Variants in FNDC8 observed in about 807,000 individuals in gnomAD.
FNDC8 encodes the protein fibronectin type III domain containing 8, also known as fibronectin type III domain-containing protein 8.
A neutral mutation model predicts 24.8 loss-of-function variants in FNDC8; 23 were observed. The observed-to-expected ratio is 0.93, with a 90% CI of 0.67 to 1.31. The LOEUF is 1.31. Ranked by LOEUF, FNDC8 falls within the 40% of genes most tolerant of loss-of-function variation. FNDC8 has a pLI of 0.00. For synonymous variants in FNDC8, 158 were observed against 165.3 expected (o/e 0.96, Z 0.34); for missense variants, 371 against 398.2 (o/e 0.93, Z 0.58).
intron 3 of FNDC8, chr17:35,129,927 T>A: frequency 7.2e-7 from 1 of 1,382,568 alleles, no homozygotes; most frequent in Non-Finnish European, 9.4e-7. Context: ...TTTTAGACTC[T>A]GCAATTCAGT....
Position 35,121,671 on chromosome 17 carries a change from G to A in FNDC8, c.-23G>A, listed in dbSNP as rs189808081. 8.7e-5 allele frequency: 140 copies of A among 1,611,366 alleles called. No individual in the cohort carries two copies. The highest frequency in any genetic ancestry group is 1.5e-4 in the Admixed American group (9 of 59,986). ...CAGCTGGGTTGTCCTGCATGGTGAC[G>A]GGTGTCATCCCGAACAAATCAGATG... On this transcript the variant is annotated 5_prime_UTR_variant, in exon 1 of 4. Coordinates refer to ENST00000158009, the MANE Select transcript of FNDC8 (RefSeq NM_017559.4).
chr17:35,128,427 C>A (rs976495426), intron 2 of FNDC8, among the ~76,000 whole-genome samples: 2 of 152,228 alleles, frequency 1.3e-5, no homozygotes, highest in African/African-American at 4.8e-5. Context: ...AGAAACCAGA[C>A]AGGAGGCAGC....
Position 35,129,544 on chromosome 17 carries a change from C to T in FNDC8, c.708C>T (p.Asn236=), listed in dbSNP as rs766966207. 6.2e-7 allele frequency: 1 copy of T among 1,614,056 alleles called. No homozygotes were observed. The change falls in exon 3 of 4, where the codon AAC becomes AAT. Residue 236 remains asparagine (N), a synonymous_variant. Transcript: ENST00000158009. ...CAAAGAATCGTCCATGGATCTTCAACAAGATTTTGGGCACTACTGTCAAGC... is the reference window on the plus strand; with the variant it reads ...CAAAGAATCGTCCATGGATCTTCAATAAGATTTTGGGCACTACTGTCAAGC... ...PEAKNRPWIF[N]KILGTTVKLM...
In FNDC8 at chr17:35,130,500, G is replaced by C; in HGVS notation, c.*66G>C. ...CAACCCCAGGCCCTCAGAAACCAGA[G>C]CCATGAGACCTACCATACCACCAGC... On this transcript the variant is annotated 3_prime_UTR_variant, in exon 4 of 4. Transcript: ENST00000158009. The C allele has an allele frequency of 2.0e-6, 3 of 1,529,446 alleles. No homozygotes were observed. The highest frequency in any genetic ancestry group is 2.7e-6 in the Non-Finnish European group (3 of 1,122,952). The allele number at this position is 1,529,446 out of a possible 1,614,324, so 94.7% of individuals were successfully genotyped here.
Position 35,129,556 on chromosome 17 carries a change from C to A in FNDC8, c.720C>A (p.Gly240=), listed in dbSNP as rs1312622102. The A allele has an allele frequency of 6.2e-7, 1 of 1,614,046 alleles. No individual in the cohort carries two copies. Among genetic ancestry groups the A allele is most frequent in the African/African-American group, 1.3e-5 (1 of 74,904 alleles). ...NRPWIFNKIL[G]TTVKLMELKP... is the part of the protein sequence containing the mutation. Reference sequence around the variant, plus strand: ...CATGGATCTTCAACAAGATTTTGGGCACTACTGTCAAGCTGATGGAGCTAA... The same window carrying A: ...CATGGATCTTCAACAAGATTTTGGGAACTACTGTCAAGCTGATGGAGCTAA... Residue 240 remains glycine, a synonymous_variant, in exon 3 of 4, where the codon GGC becomes GGA. Transcript: ENST00000158009.
At chr17:35,127,869 AGT>A (rs1326389915) in intron 2 of FNDC8, among the ~76,000 whole-genome samples, 1 of 151,980 alleles carries the variant, frequency 6.6e-6, no homozygotes, top group Non-Finnish European at 1.5e-5. Flanking sequence ...CCTGGGATCG[AGT>A]GAGGCTACTC....
intron 3 of FNDC8, 93 bp from the exon 4 acceptor site, chr17:35,130,189 A>G (rs903735537): frequency 5.3e-6 from 8 of 1,523,602 alleles, no homozygotes; most frequent in Non-Finnish European, 7.0e-6. Context: ...GGTCTGAGTC[A>G]GCAGACAGAA....
intron 3 of FNDC8, 76 bp from the exon 4 acceptor site, chr17:35,130,206 G>A: frequency 6.5e-7 from 1 of 1,544,766 alleles, no homozygotes; most frequent in Non-Finnish European, 8.7e-7. Context: ...AGAAAAAAAA[G>A]GGGTGATAGA....
rs773012307 is a variant in FNDC8, at chr17:35,127,427, C to T, written c.585+10C>T. The T allele has an allele frequency of 6.5e-7, 1 of 1,532,818 alleles. No individual in the cohort carries two copies. Among genetic ancestry groups the T allele is most frequent in the East Asian group, 2.3e-5 (1 of 44,154 alleles). 95.0% of individuals were successfully genotyped at this position (1,532,818 alleles called of 1,614,324 possible). On this transcript the variant is annotated intron_variant, in intron 2 of 3. Coordinates refer to ENST00000158009, the MANE Select transcript of FNDC8 (RefSeq NM_017559.4). ...CAATTCCACAGCTGTGGTGCGTTTCCCTTGCTCATGCGTTCAGCAGAGGCT... is the reference window on the plus strand; with the variant it reads ...CAATTCCACAGCTGTGGTGCGTTTCTCTTGCTCATGCGTTCAGCAGAGGCT...
At chr17:35,127,469 G>T in intron 2 of FNDC8, 52 bp downstream of exon 2, 1 of 1,495,868 alleles carries the variant, frequency 6.7e-7, no homozygotes, top group South Asian at 1.4e-5. Flanking sequence ...GCCAGGCACT[G>T]AGCTGAGCTC....
chr17:35,121,988 T>TTCCTTCCTTCC (rs1491561469), intron 1 of FNDC8, 86 bp downstream of exon 1: 1 of 13,666 alleles, frequency 7.3e-5, no homozygotes, highest in East Asian at 0.018. Flanking sequence ...CCTTCCTTCC[T>TTCCTTCCTTCC]TTTTTTTTTT....
At position 35,127,264 on chromosome 17, in the gene FNDC8, G is replaced by A. The variant is rs767424345; in HGVS notation, c.432G>A (p.Ser144=). 24 of 1,613,990 alleles carry A rather than the reference G, an allele frequency of 1.5e-5. No individual in the cohort carries two copies. The highest frequency in any genetic ancestry group is 2.2e-5 in the East Asian group (1 of 44,880). ...CGCTCGGCCCCTGCCCATGCCCATC[G>A]AAGTCCCAGATGGCCACAAGGGGCC... ...DLALGPCPCP[S]KSQMATRGLL... The change falls in exon 2 of 4, where the codon TCG becomes TCA. Residue 144 remains serine (S), a synonymous_variant. Transcript: ENST00000158009.
At chr17:35,129,293 A>T (rs1305015187) in intron 2 of FNDC8, 129 bp from the exon 3 acceptor site, 3 of 1,234,024 alleles carry the variant, frequency 2.4e-6, no homozygotes, top group Non-Finnish European at 3.4e-6. Flanking sequence ...TGCACCTTCC[A>T]TCTGACCTGC....
chr17:35,130,233 G>C (rs771348098), intron 3 of FNDC8, 49 bp from the exon 4 acceptor site: 1 of 1,594,466 alleles, frequency 6.3e-7, no homozygotes, highest in Non-Finnish European at 8.6e-7. Flanking sequence ...GAGAGAGCCA[G>C]GTTCAGATCT....
Position 35,129,457 on chromosome 17 carries a change from C to A in FNDC8, c.621C>A (p.Val207=). The part of the protein sequence containing the change: ...SWTYALGKQP[V]SFYQLLLQEV... ...CCTACGCCTTGGGCAAGCAGCCGGT[C>A]AGTTTCTACCAGCTCCTGTTACAGG... Residue 207 remains valine, a synonymous_variant, in exon 3 of 4, where the codon GTC becomes GTA. Coordinates refer to ENST00000158009, the MANE Select transcript of FNDC8 (RefSeq NM_017559.4). 1.2e-6 allele frequency: 2 copies of A among 1,614,102 alleles called. No individual in the cohort carries two copies. Among genetic ancestry groups the A allele is most frequent in the South Asian group, 2.2e-5 (2 of 91,040 alleles).
intron 1 of FNDC8, among the ~76,000 whole-genome samples, chr17:35,126,657 C>T (rs554191960): frequency 2.6e-5 from 4 of 152,098 alleles, no homozygotes; most frequent in South Asian, 2.1e-4. Context: ...TGCCAACCAC[C>T]GCACTCAGCC....
chr17:35,129,556 C>G lies in FNDC8; in HGVS notation c.720C>G (p.Gly240=). ...NRPWIFNKIL[G]TTVKLMELKP... ...CATGGATCTTCAACAAGATTTTGGG[C>G]ACTACTGTCAAGCTGATGGAGCTAA... Residue 240 remains glycine, a synonymous_variant, in exon 3 of 4, where the codon GGC becomes GGG. Transcript: ENST00000158009. The G allele has an allele frequency of 6.2e-7, 1 of 1,614,164 alleles. No individual in the cohort carries two copies. Among genetic ancestry groups the G allele is most frequent in the Non-Finnish European group, 8.5e-7 (1 of 1,180,036 alleles).
intron 2 of FNDC8, 194 bp from the exon 3 acceptor site, chr17:35,129,228 A>G: frequency 1.4e-6 from 1 of 691,980 alleles, no homozygotes; most frequent in Admixed American, 2.4e-5. Flanking sequence ...GGGGCTGCCC[A>G]GGAGAGTAGT....
intron 2 of FNDC8, 50 bp downstream of exon 2, chr17:35,127,467 C>G (rs764805958): frequency 6.7e-7 from 1 of 1,496,382 alleles, no homozygotes; most frequent in East Asian, 2.3e-5. Flanking sequence ...GTGCCAGGCA[C>G]TGAGCTGAGC....
Sources: allele counts gnomAD v4.1 joint callset (sites outside exome capture counted in the v4.1 genomes callset), GRCh38; gene constraint gnomAD v4.1.1; transcripts MANE v1.5; gene names NCBI Gene and HGNC (gene_info 2026-07-23, HGNC 2026-07-21).